GPC5: variants seen among roughly 807,000 people sequenced by gnomAD.
GPC5 encodes the protein glypican 5.
Under a neutral mutation model 53.9 loss-of-function variants are expected in GPC5, and 47 were observed. The ratio of observed to expected loss-of-function variants is 0.87; its 90% CI spans 0.69 to 1.11. The LOEUF is 1.11. Among genes scored for constraint, GPC5 ranks in the 50% most tolerant of loss-of-function variants. The probability of loss-of-function intolerance (pLI) is 0.00; values close to 1 mark genes in which losing one functional copy is unlikely to be tolerated. For synonymous variants in GPC5, 286 were observed against 263.3 expected (o/e 1.09, Z -0.84); for missense variants, 748 against 713.1 (o/e 1.05, Z -0.56).
intron 7 of GPC5, among the ~76,000 whole-genome samples, chr13:92,731,614 T>C (rs919402754): frequency 6.9e-4 from 104 of 151,502 alleles, no homozygotes; most frequent in African/African-American, 2.5e-3. Flanking sequence ...AAAATCACTT[T>C]GATATAGCAT....
At chr13:92,424,073 G>A (rs1177027991) in intron 7 of GPC5, among the ~76,000 whole-genome samples, 1 of 152,066 alleles carries the variant, frequency 6.6e-6, no homozygotes. Context: ...TGTACCAAAT[G>A]CCCTTTCCCC....
chr13:92,059,404 ATATATCAG>A (rs1391316026), intron 6 of GPC5, among the ~76,000 whole-genome samples: 1 of 152,124 alleles, frequency 6.6e-6, no homozygotes, highest in African/African-American at 2.4e-5. Flanking sequence ...ATCAATGAAT[ATATATCAG>A]TATCAATCCT....
intron 4 of GPC5, among the ~76,000 whole-genome samples, chr13:91,745,412 A>G (rs1309223333): frequency 6.8e-6 from 1 of 146,428 alleles, no homozygotes; most frequent in Non-Finnish European, 1.5e-5. Flanking sequence ...CACCTGTTTG[A>G]AAAGAACTTT....
At position 92,293,422 on chromosome 13, in the gene GPC5, CTTTTTTTTTTTTTTTT is replaced by C. The variant is rs748125673; in HGVS notation, c.1561+148445_1561+148460del. ...ACTCCTAAGGTTGGTTGGTTGGTTT[CTTTTTTTTTTTTTTTT>C]TTTTTTTTTTTGGCAGCTATTGTAA... On this transcript the variant is annotated intron_variant, in intron 7 of 7. Transcript: ENST00000377067. Among the ~76,000 whole-genome samples, 3 of 77,272 alleles carry C rather than the reference CTTTTTTTTTTTTTTTT, an allele frequency of 3.9e-5. No individual in the cohort carries two copies. The East Asian group carries it at 1.3e-3, about 34-fold the overall frequency. 50.7% of individuals were successfully genotyped at this position (77,272 alleles called of 152,430 possible). A position where few individuals can be genotyped will look rare whatever the true frequency, so the allele number is the denominator to read the frequency against.
chr13:92,028,152 T>G (rs2040814479), intron 6 of GPC5, among the ~76,000 whole-genome samples: 1 of 152,150 alleles, frequency 6.6e-6, no homozygotes, highest in African/African-American at 2.4e-5. Flanking sequence ...AACCGAACAT[T>G]ATATGATGAT....
intron 1 of GPC5, among the ~76,000 whole-genome samples, chr13:91,443,619 A>G (rs919520041): frequency 6.6e-6 from 1 of 152,188 alleles, no homozygotes; most frequent in East Asian, 1.9e-4. Context: ...TTTCTGCCCC[A>G]GAAGAATGAG....
intron 1 of GPC5, among the ~76,000 whole-genome samples, chr13:91,438,630 C>T (rs7323109): frequency 0.64 from 96,919 of 151,984 alleles, 31,496 homozygotes; most frequent in African/African-American, 0.74. Flanking sequence ...GAGGAGGCAG[C>T]CTGTCCATAC....
intron 2 of GPC5, among the ~76,000 whole-genome samples, chr13:91,615,022 A>G (rs989804041): frequency 3.9e-5 from 6 of 152,152 alleles, no homozygotes; most frequent in African/African-American, 1.2e-4. Flanking sequence ...TCCATCTTCA[A>G]TATGTCTAGA....
At chr13:92,744,458 T>C (rs1483098795) in intron 7 of GPC5, among the ~76,000 whole-genome samples, 3 of 151,468 alleles carry the variant, frequency 2.0e-5, no homozygotes, top group African/African-American at 7.3e-5. Context: ...AATAGTTATG[T>C]AGGTCTTAGC....
At chr13:92,678,268 C>T (rs536776939) in intron 7 of GPC5, among the ~76,000 whole-genome samples, 2 of 152,096 alleles carry the variant, frequency 1.3e-5, no homozygotes, top group Non-Finnish European at 2.9e-5. Context: ...TTAAGAAATA[C>T]AGTTTTATGC....
At chr13:91,975,822 A>G (rs1031327949) in intron 6 of GPC5, among the ~76,000 whole-genome samples, 2 of 152,156 alleles carry the variant, frequency 1.3e-5, no homozygotes, top group Non-Finnish European at 2.9e-5. Context: ...ACATGCACAC[A>G]TATGTTTATT....
At chr13:91,465,440 T>C (rs1882176286) in intron 2 of GPC5, among the ~76,000 whole-genome samples, 1 of 152,192 alleles carries the variant, frequency 6.6e-6, no homozygotes, top group African/African-American at 2.4e-5. Context: ...GTGTCTGGCT[T>C]CTTCCACTTA....
intron 2 of GPC5, among the ~76,000 whole-genome samples, chr13:91,466,602 A>G (rs1420974047): frequency 1.3e-5 from 2 of 152,130 alleles, no homozygotes; most frequent in Non-Finnish European, 2.9e-5. Flanking sequence ...ATATATTTTA[A>G]TAGTCTGGGT....
chr13:92,425,742 AG>A (rs994680321), intron 7 of GPC5, among the ~76,000 whole-genome samples: 1 of 152,110 alleles, frequency 6.6e-6, no homozygotes, highest in African/African-American at 2.4e-5. Context: ...TCACTAGGAA[AG>A]ATAATTGTTC....
intron 5 of GPC5, among the ~76,000 whole-genome samples, chr13:91,825,789 C>T (rs2038567103): frequency 6.6e-6 from 1 of 151,898 alleles, no homozygotes; most frequent in Admixed American, 6.6e-5. Context: ...TTTGAGTCTA[C>T]AAGACAGTCA....
chr13:92,640,098 T>C (rs773758509), intron 7 of GPC5, among the ~76,000 whole-genome samples: 1 of 151,978 alleles, frequency 6.6e-6, no homozygotes. Context: ...GACAGATATA[T>C]ATGTATGCAC....
In GPC5 at chr13:92,522,527, C is replaced by A. The variant is rs574057873; in HGVS notation, c.1562-343755C>A. Among the ~76,000 whole-genome samples, 3 of 152,154 alleles carry A rather than the reference C, an allele frequency of 2.0e-5. No homozygotes were observed. In the East Asian group the frequency reaches 5.8e-4, roughly 29 times the overall value. On this transcript the variant is annotated intron_variant, in intron 7 of 7. Coordinates refer to ENST00000377067, the MANE Select transcript of GPC5 (RefSeq NM_004466.6). The stretch of plus-strand genomic sequence containing the variant: ...GCAAACTATTGCAAGAACAAAAAAA[C>A]AAACACTGCAGGTTCTCACTCATAG...
chr13:92,480,854 G>T (rs1879322105), intron 7 of GPC5, among the ~76,000 whole-genome samples: 1 of 152,156 alleles, frequency 6.6e-6, no homozygotes. Flanking sequence ...AGTTGAGTGA[G>T]CCAGGAGATT....
intron 4 of GPC5, among the ~76,000 whole-genome samples, chr13:91,734,501 G>T (rs894991183): frequency 1.3e-5 from 2 of 151,384 alleles, no homozygotes; most frequent in African/African-American, 4.9e-5. Flanking sequence ...CAGGATAATG[G>T]TATTCTGGGT....
Sources: allele counts gnomAD v4.1 joint callset (sites outside exome capture counted in the v4.1 genomes callset), GRCh38; gene constraint gnomAD v4.1.1; transcripts MANE v1.5; gene names NCBI Gene and HGNC (gene_info 2026-07-23, HGNC 2026-07-21).